Variants in ELOVL5 observed in about 807,000 individuals in gnomAD.
ELOVL5 encodes the protein very long chain fatty acid elongase 5.
ELOVL5 carries 8 observed loss-of-function variants against 38.6 expected under a neutral mutation model. That is an observed-to-expected ratio of 0.21 (90% CI 0.12 to 0.37). The LOEUF (loss-of-function observed/expected upper bound fraction) is 0.37, where lower values mean the gene tolerates loss of function less well. Among genes scored for constraint, ELOVL5 ranks in the 10% least tolerant of loss-of-function variants. The probability of loss-of-function intolerance (pLI) is 1.00; values close to 1 mark genes in which losing one functional copy is unlikely to be tolerated. For missense variants in ELOVL5, 280 were observed against 367.8 expected (o/e 0.76, Z 1.95); for synonymous variants, 127 against 133.7 (o/e 0.95, Z 0.34).
chr6:53,297,787 G>T (rs912142281), intron 1 of ELOVL5, among the ~76,000 whole-genome samples: 10 of 151,892 alleles, frequency 6.6e-5, no homozygotes, highest in Non-Finnish European at 1.2e-4. Flanking sequence ...TGACGATGAG[G>T]GGGTACTAAT....
intron 1 of ELOVL5, among the ~76,000 whole-genome samples, chr6:53,315,212 T>C (rs1447939818): frequency 2.0e-5 from 3 of 152,150 alleles, no homozygotes; most frequent in Non-Finnish European, 4.4e-5. Flanking sequence ...CTTGGGGACA[T>C]GGGGATGGGT....
At chr6:53,309,692 A>G (rs1449948415) in intron 1 of ELOVL5, among the ~76,000 whole-genome samples, 1 of 152,166 alleles carries the variant, frequency 6.6e-6, no homozygotes, top group African/African-American at 2.4e-5. Context: ...TGTGGCTTCT[A>G]TCTTGGTCAG....
chr6:53,347,876 G>A (rs528038976), intron 1 of ELOVL5, among the ~76,000 whole-genome samples: 2 of 152,370 alleles, frequency 1.3e-5, no homozygotes, highest in African/African-American at 4.8e-5. Context: ...AGTTCAGCAA[G>A]AACAACTCTT....
chr6:53,301,178 T>A (rs1401065080), intron 1 of ELOVL5, among the ~76,000 whole-genome samples: 1 of 152,202 alleles, frequency 6.6e-6, no homozygotes, highest in African/African-American at 2.4e-5. Context: ...TTGCACAAGA[T>A]GCCCAATCAC....
intron 1 of ELOVL5, among the ~76,000 whole-genome samples, chr6:53,301,993 C>CA (rs1159435177): frequency 6.6e-6 from 1 of 152,150 alleles, no homozygotes; most frequent in Non-Finnish European, 1.5e-5. Flanking sequence ...GACTCACCCC[C>CA]ACCACCATGG....
chr6:53,282,285 G>C (rs1561866387), intron 3 of ELOVL5, among the ~76,000 whole-genome samples: 3 of 152,252 alleles, frequency 2.0e-5, no homozygotes, highest in Admixed American at 6.5e-5. Flanking sequence ...CTGCTTTGCA[G>C]AGTTAAGTCC....
rs566400981 is a variant in ELOVL5, at chr6:53,319,529, A to G, written c.-8-23822T>C. ...TACTAGGTACCATAACTGAGAGTGCAGCTCTAAAATGCTCTCCTCCCTAGG... is the reference window on the plus strand; with the variant it reads ...TACTAGGTACCATAACTGAGAGTGCGGCTCTAAAATGCTCTCCTCCCTAGG... On this transcript the variant is annotated intron_variant, in intron 1 of 7. Transcript: ENST00000304434. 5.3e-5 allele frequency among the ~76,000 whole-genome samples: 8 copies of G among 152,322 alleles called. 1 individual carries two copies. Among genetic ancestry groups the G allele is most frequent in the African/African-American group, 1.9e-4 (8 of 41,574 alleles).
chr6:53,274,693 A>C (rs1766046651), intron 5 of ELOVL5, among the ~76,000 whole-genome samples: 1 of 152,232 alleles, frequency 6.6e-6, no homozygotes, highest in South Asian at 2.1e-4. Context: ...AATGCATGAC[A>C]GCTAAAGCTG....
chr6:53,287,288 T>C (rs975721951), intron 3 of ELOVL5, among the ~76,000 whole-genome samples: 3 of 152,252 alleles, frequency 2.0e-5, no homozygotes, highest in African/African-American at 4.8e-5. Context: ...CTGTAACCCA[T>C]GATTTATCTT....
Position 53,294,451 on chromosome 6 carries a change from G to A in ELOVL5, c.58+1191C>T, listed in dbSNP as rs186049011. ...GCTGCTGTAGCCATCCTACAACTGTGTGAAGTGGGGGACCCATTCTGAGGA... is the reference window on the plus strand; with the variant it reads ...GCTGCTGTAGCCATCCTACAACTGTATGAAGTGGGGGACCCATTCTGAGGA... On this transcript the variant is annotated intron_variant, in intron 2 of 7. Transcript: ENST00000304434. 1.9e-5 allele frequency: 29 copies of A among 1,550,600 alleles called. No homozygotes were observed. In the Admixed American group the frequency reaches 5.3e-4, roughly 28 times the overall value.
At chr6:53,318,261 A>G (rs187061386) in intron 1 of ELOVL5, among the ~76,000 whole-genome samples, 102 of 152,360 alleles carry the variant, frequency 6.7e-4, no homozygotes, top group Middle Eastern at 3.4e-3. Context: ...AAAGCTACCA[A>G]GAGTATAGCT....
At chr6:53,301,284 T>C (rs985605030) in intron 1 of ELOVL5, among the ~76,000 whole-genome samples, 1 of 152,132 alleles carries the variant, frequency 6.6e-6, no homozygotes, top group African/African-American at 2.4e-5. Flanking sequence ...CGAATCACAC[T>C]ACAGGCAGCC....
intron 3 of ELOVL5, chr6:53,277,823 G>A (rs1766198745): frequency 6.6e-6 from 1 of 152,174 alleles, no homozygotes; most frequent in Non-Finnish European, 1.5e-5. Flanking sequence ...CTTGAGACCT[G>A]GGGTGGAGAG....
intron 3 of ELOVL5, among the ~76,000 whole-genome samples, chr6:53,280,058 G>A (rs1174923014): frequency 6.6e-6 from 1 of 152,218 alleles, no homozygotes; most frequent in Non-Finnish European, 1.5e-5. Context: ...TTGGGACTGA[G>A]GCCTAGCTTC....
chr6:53,300,003 A>G (rs1009766890), intron 1 of ELOVL5, among the ~76,000 whole-genome samples: 1 of 152,162 alleles, frequency 6.6e-6, no homozygotes, highest in Non-Finnish European at 1.5e-5. Flanking sequence ...TGTTTCTGAA[A>G]TGACTACAGT....
chr6:53,281,705 C>T (rs762649099), intron 3 of ELOVL5, among the ~76,000 whole-genome samples: 4 of 152,152 alleles, frequency 2.6e-5, no homozygotes, highest in East Asian at 1.9e-4. Context: ...GGCCAATTTT[C>T]GCAGTGCTAT....
At chr6:53,316,423 T>G (rs559493815) in intron 1 of ELOVL5, among the ~76,000 whole-genome samples, 1 of 152,136 alleles carries the variant, frequency 6.6e-6, no homozygotes, top group South Asian at 2.1e-4. Context: ...GAGTAATATT[T>G]AAGGCTTGCT....
chr6:53,270,538 G>A (rs985037771), intron 7 of ELOVL5, 55 bp downstream of exon 7: 1 of 1,589,674 alleles, frequency 6.3e-7, no homozygotes, highest in Non-Finnish European at 8.6e-7. Context: ...AATAGATGAG[G>A]GCCTTTGTTG....
chr6:53,321,743 A>T (rs1012142163), intron 1 of ELOVL5, among the ~76,000 whole-genome samples: 1 of 152,222 alleles, frequency 6.6e-6, no homozygotes, highest in African/African-American at 2.4e-5. Flanking sequence ...CAGAAATATA[A>T]ATCATACCGA....
Sources: gnomAD v4.1 joint callset for allele counts (sites outside exome capture counted in the v4.1 genomes callset) on GRCh38, gnomAD v4.1.1 for gene constraint, MANE v1.5 for transcripts, NCBI Gene and HGNC (gene_info 2026-07-23, HGNC 2026-07-21) for gene names.